Variants in VMP1 observed in about 807,000 individuals in gnomAD.
VMP1 encodes vacuole membrane protein 1, also known as ectopic P-granules autophagy protein 3 homolog.
A neutral mutation model predicts 56.0 loss-of-function variants in VMP1; 11 were observed. The ratio of observed to expected loss-of-function variants is 0.20; its 90% CI spans 0.12 to 0.32. VMP1 has a LOEUF of 0.32. VMP1 is among the 10% of genes least tolerant of loss of function. VMP1 has a pLI of 1.00. For synonymous variants in VMP1, 149 were observed against 165.0 expected, an observed-to-expected ratio of 0.90 and a Z score of 0.74; for missense variants, 296 against 490.3, an observed-to-expected ratio of 0.60 and a Z score of 3.74.
At chr17:59,797,753 C>T (rs183459577) in intron 7 of VMP1, among the ~76,000 whole-genome samples, 1 of 152,194 alleles carries the variant, frequency 6.6e-6, no homozygotes, top group African/African-American at 2.4e-5. Context: ...GTGGCATGGG[C>T]CTGTAGTCCC....
At chr17:59,772,545 A>T (rs1010917823) in intron 6 of VMP1, among the ~76,000 whole-genome samples, 43 of 151,804 alleles carry the variant, frequency 2.8e-4, no homozygotes, top group Non-Finnish European at 3.5e-4. Flanking sequence ...GAGGCGGGTG[A>T]ATCACCTAAA....
At chr17:59,778,540 CAAAA>C (rs58638800) in intron 7 of VMP1, among the ~76,000 whole-genome samples, 2 of 119,614 alleles carry the variant, frequency 1.7e-5, no homozygotes, top group Non-Finnish European at 1.9e-5. Context: ...GACTCTGTCT[CAAAA>C]AAAAAAAAAA....
At chr17:59,839,716 A>T in intron 11 of VMP1, 52 bp from the exon 12 acceptor site, 1 of 1,562,576 alleles carries the variant, frequency 6.4e-7, no homozygotes, top group South Asian at 1.2e-5. Flanking sequence ...TCTTTTTACT[A>T]CTGAACTAAT....
chr17:59,740,643 C>T (rs1476217059), intron 5 of VMP1, among the ~76,000 whole-genome samples: 1 of 152,140 alleles, frequency 6.6e-6, no homozygotes, highest in Non-Finnish European at 1.5e-5. Context: ...GGTGATTTAA[C>T]TCAAACAGGG....
At chr17:59,811,928 G>A (rs1331840590) in intron 9 of VMP1, 142 bp downstream of exon 9, 1 of 592,026 alleles carries the variant, frequency 1.7e-6, no homozygotes, top group Non-Finnish European at 3.0e-6. Flanking sequence ...CACATAGAAT[G>A]TCATTTGGAA....
intron 7 of VMP1, among the ~76,000 whole-genome samples, chr17:59,808,133 A>T (rs1007799510): frequency 1.3e-5 from 2 of 152,236 alleles, no homozygotes; most frequent in Non-Finnish European, 2.9e-5. Context: ...CTGATTTCAC[A>T]GTCTGAATAT....
intron 7 of VMP1, among the ~76,000 whole-genome samples, chr17:59,800,628 A>C (rs991924919): frequency 6.6e-6 from 1 of 152,224 alleles, no homozygotes; most frequent in Non-Finnish European, 1.5e-5. Context: ...GCCACATAAC[A>C]GCCTTTCAGC....
At chr17:59,753,970 A>G (rs556556779) in intron 5 of VMP1, among the ~76,000 whole-genome samples, 1 of 152,326 alleles carries the variant, frequency 6.6e-6, no homozygotes, top group East Asian at 1.9e-4. Context: ...TATCCTTTGA[A>G]TGATATCTGT....
At chr17:59,748,237 A>G (rs1191308470) in intron 5 of VMP1, among the ~76,000 whole-genome samples, 5 of 151,760 alleles carry the variant, frequency 3.3e-5, no homozygotes, top group African/African-American at 1.2e-4. Flanking sequence ...TCGTTTTGAT[A>G]CACATATTTA....
In VMP1 at chr17:59,799,895, G is replaced by A. The variant is rs536455246; in HGVS notation, c.715-8901G>A. ...GGAGAATCACTTGAACCCGGGAGGC[G>A]GAGGTTACAGTGAGCTGAGATCCTG... On this transcript the variant is annotated intron_variant, in intron 7 of 11. Coordinates refer to ENST00000262291, the MANE Select transcript of VMP1 (RefSeq NM_030938.5). 8.0e-4 allele frequency among the ~76,000 whole-genome samples: 121 copies of A among 150,606 alleles called. 2 individuals carry two copies. Among genetic ancestry groups the A allele is most frequent in the African/African-American group, 1.9e-3 (78 of 40,894 alleles).
chr17:59,811,666 A>C lies in VMP1; in HGVS notation c.796-4A>C. ...TATGGAAGTCCTTCTTTTTCTCTCT[A>C]TAGATTCCAAATCCTTTATTTGATC... On this transcript the variant is annotated splice_region_variant and splice_polypyrimidine_tract_variant and intron_variant, in intron 8 of 11. Transcript: ENST00000262291. 6.3e-7 allele frequency: 1 copy of C among 1,598,660 alleles called. No homozygotes were observed. The highest frequency in any genetic ancestry group is 8.6e-7 in the Non-Finnish European group (1 of 1,168,320).
At chr17:59,829,968 T>C (rs2038759281) in intron 10 of VMP1, among the ~76,000 whole-genome samples, 1 of 152,214 alleles carries the variant, frequency 6.6e-6, no homozygotes. Flanking sequence ...CTCTCTGGGG[T>C]CAGAGGATAA....
At position 59,841,334 on chromosome 17, in the gene VMP1, G is replaced by A; in HGVS notation, c.*1423G>A. On this transcript the variant is annotated 3_prime_UTR_variant, in exon 12 of 12. Transcript: ENST00000262291. ...GGCAACACCAGTCGATGGGCTGTCT[G>A]ACATTTTGGTATCTTTCATCTGACC... The A allele has an allele frequency of 2.0e-6, 1 of 510,966 alleles. No homozygotes were observed. Among genetic ancestry groups the A allele is most frequent in the Non-Finnish European group, 4.1e-6 (1 of 241,424 alleles). The allele number at this position is 510,966 out of a possible 1,614,324, so 31.7% of individuals were successfully genotyped here. A position where few individuals can be genotyped will look rare whatever the true frequency, so the allele number is the denominator to read the frequency against.
intron 7 of VMP1, chr17:59,785,021 A>T (rs781511751): frequency 6.6e-6 from 1 of 152,190 alleles, no homozygotes; most frequent in Non-Finnish European, 1.5e-5. Flanking sequence ...AATTAAAGAT[A>T]CTTTAGGAAT....
At chr17:59,733,568 G>A (rs930845144) in intron 2 of VMP1, among the ~76,000 whole-genome samples, 4 of 152,068 alleles carry the variant, frequency 2.6e-5, no homozygotes, top group Non-Finnish European at 4.4e-5. Flanking sequence ...CGGGCGTGGT[G>A]GCAGATGCCT....
At chr17:59,757,238 GAGATAGATAGATAGATAGATAGATAGAT>G (rs72408206) in intron 5 of VMP1, among the ~76,000 whole-genome samples, 2 of 146,788 alleles carry the variant, frequency 1.4e-5, no homozygotes, top group African/African-American at 5.0e-5. Flanking sequence ...GATTAGGATG[GAGATAGATAGATAGATAGATAGATAGAT>G]AGATAGATAG....
At chr17:59,721,529 T>C (rs182548866) in intron 1 of VMP1, among the ~76,000 whole-genome samples, 1 of 152,240 alleles carries the variant, frequency 6.6e-6, no homozygotes, top group East Asian at 1.9e-4. Flanking sequence ...TGATGCTAGA[T>C]TAGTCACTGT....
At chr17:59,817,304 A>G (rs980143091) in intron 9 of VMP1, among the ~76,000 whole-genome samples, 1 of 145,590 alleles carries the variant, frequency 6.9e-6, no homozygotes. Flanking sequence ...AAAAAAAAAA[A>G]GGAATACAAA....
At chr17:59,825,276 G>T (rs1230045852) in intron 10 of VMP1, among the ~76,000 whole-genome samples, 1 of 151,676 alleles carries the variant, frequency 6.6e-6, no homozygotes, top group Non-Finnish European at 1.5e-5. Flanking sequence ...ATTTCACGAT[G>T]TTGGCTAGGC....
Sources: gnomAD v4.1 joint callset for allele counts (sites outside exome capture counted in the v4.1 genomes callset) on GRCh38, gnomAD v4.1.1 for gene constraint, MANE v1.5 for transcripts, NCBI Gene and HGNC (gene_info 2026-07-23, HGNC 2026-07-21) for gene names.